FRMD4B: variants seen among roughly 807,000 people sequenced by gnomAD.
FRMD4B encodes FERM domain-containing protein 4B.
Under a neutral mutation model 141.5 loss-of-function variants are expected in FRMD4B, and 74 were observed. That is an observed-to-expected ratio of 0.52 (90% CI 0.43 to 0.63). The LOEUF (loss-of-function observed/expected upper bound fraction) is 0.63. FRMD4B is among the 30% of genes least tolerant of loss of function. FRMD4B has a pLI of 0.00. For synonymous variants in FRMD4B, 506 were observed against 467.9 expected, an observed-to-expected ratio of 1.08 and a Z score of -1.05; for missense variants, 1,366 against 1,253.4, an observed-to-expected ratio of 1.09 and a Z score of -1.36.
intron 2 of FRMD4B, among the ~76,000 whole-genome samples, chr3:69,409,407 A>G (rs551074594): frequency 8.2e-4 from 125 of 152,306 alleles, no homozygotes; most frequent in Non-Finnish European, 1.4e-3. Flanking sequence ...AAAGCTTACA[A>G]TGACCCAGTA....
intron 1 of FRMD4B, among the ~76,000 whole-genome samples, chr3:69,357,030 C>T (rs17005647): frequency 0.3 from 45,977 of 152,040 alleles, 7,865 homozygotes; most frequent in East Asian, 0.6. Context: ...AATCTGACAC[C>T]ATTAGTCCAC....
At chr3:69,527,935 G>A (rs1274075414) in intron 1 of FRMD4B, among the ~76,000 whole-genome samples, 3 of 152,166 alleles carry the variant, frequency 2.0e-5, no homozygotes, top group Non-Finnish European at 2.9e-5. Context: ...AAGAATCCAT[G>A]GGGATCTCCT....
intron 21 of FRMD4B, among the ~76,000 whole-genome samples, chr3:69,177,989 G>C (rs2092666661): frequency 6.6e-6 from 1 of 152,210 alleles, no homozygotes; most frequent in Non-Finnish European, 1.5e-5. Context: ...AAGGGATTTA[G>C]TTCTACAGAG....
intron 1 of FRMD4B, among the ~76,000 whole-genome samples, chr3:69,355,962 T>C (rs1298710465): frequency 6.6e-6 from 1 of 151,910 alleles, no homozygotes; most frequent in Non-Finnish European, 1.5e-5. Flanking sequence ...GAGCCGGAGG[T>C]TGCAGTGAGC....
Position 69,176,627 on chromosome 3 carries a change from T to G in FRMD4B, c.2881A>C (p.Arg961=), listed in dbSNP as rs944355230. ...VSSTNASGNW[R]TQLTIGLSDY... ...GACAGCCCTATGGTTAACTGGGTCC[T>G]CCAGTTCCCAGAAGCATTTGTAGAA... Residue 961 remains arginine (R), a synonymous_variant, in exon 22 of 23, where the codon AGG becomes CGG. Coordinates refer to ENST00000398540, the MANE Select transcript of FRMD4B (RefSeq NM_015123.3). 6.2e-7 allele frequency: 1 copy of G among 1,600,458 alleles called. No homozygotes were observed. Among genetic ancestry groups the G allele is most frequent in the African/African-American group, 1.3e-5 (1 of 74,602 alleles).
intron 2 of FRMD4B, among the ~76,000 whole-genome samples, chr3:69,396,335 T>C (rs1704473491): frequency 6.6e-6 from 1 of 151,998 alleles, no homozygotes; most frequent in African/African-American, 2.4e-5. Context: ...TGAAACCCCT[T>C]CTCCACTAAA....
upstream of FRMD4B, among the ~76,000 whole-genome samples, chr3:69,389,348 A>G (rs185557498): frequency 5.3e-5 from 8 of 152,182 alleles, no homozygotes; most frequent in Admixed American, 5.2e-4. Context: ...TCCACTCTCT[A>G]TGTCCCTGTG....
chr3:69,194,077 T>C (rs2092871911), intron 16 of FRMD4B, among the ~76,000 whole-genome samples: 1 of 152,230 alleles, frequency 6.6e-6, no homozygotes, highest in African/African-American at 2.4e-5. Context: ...TCCAAACCTC[T>C]TCCCTTTTCA....
At position 69,486,585 on chromosome 3, in the gene FRMD4B, T is replaced by C. The variant is rs867698902; in HGVS notation, c.-128-53824A>G. ...GGGAATTGAACCTATAACTTCACTC[T>C]GGAGTGAGCAGAAGGGGATTTACAT... On this transcript the variant is annotated intron_variant, in intron 1 of 5. Transcript: ENST00000459638. 3.9e-5 allele frequency among the ~76,000 whole-genome samples: 6 copies of C among 152,132 alleles called. No homozygotes were observed. In the South Asian group the frequency reaches 1.0e-3, roughly 26 times the overall value.
intron 1 of FRMD4B, among the ~76,000 whole-genome samples, chr3:69,440,667 G>T (rs976552648): frequency 2.6e-5 from 4 of 152,234 alleles, no homozygotes; most frequent in African/African-American, 9.6e-5. Flanking sequence ...AATTAGCCAG[G>T]TGTGGTGATG....
intron 13 of FRMD4B, 61 bp from the exon 14 acceptor site, chr3:69,196,457 ATTAAG>A (rs2092905665): frequency 1.5e-6 from 2 of 1,296,612 alleles, no homozygotes; most frequent in African/African-American, 1.5e-5. Flanking sequence ...TAATGAAACA[ATTAAG>A]TTAACATACA....
intron 1 of FRMD4B, among the ~76,000 whole-genome samples, chr3:69,436,712 T>A (rs1313987331): frequency 6.6e-6 from 1 of 152,220 alleles, no homozygotes; most frequent in Non-Finnish European, 1.5e-5. Flanking sequence ...AGCAGATTAA[T>A]GGATAAACAA....
intron 1 of FRMD4B, among the ~76,000 whole-genome samples, chr3:69,533,673 C>T (rs1242140246): frequency 1.3e-5 from 2 of 152,126 alleles, no homozygotes; most frequent in Non-Finnish European, 2.9e-5. Context: ...TGAGTCTTTC[C>T]TGCAACTTCT....
chr3:69,235,513 G>T (rs2093339829), intron 7 of FRMD4B, among the ~76,000 whole-genome samples: 1 of 151,928 alleles, frequency 6.6e-6, no homozygotes, highest in South Asian at 2.1e-4. Flanking sequence ...ACAAAAATCA[G>T]CTGGGTGTGG....
chr3:69,460,920 A>G (rs1705697600), intron 1 of FRMD4B, among the ~76,000 whole-genome samples: 2 of 152,192 alleles, frequency 1.3e-5, no homozygotes, highest in African/African-American at 2.4e-5. Context: ...CTGAGATTCT[A>G]CATTTCTTAT....
In FRMD4B at chr3:69,220,987, G is replaced by C. The variant is rs1486045316; in HGVS notation, c.731+871C>G. Among the ~76,000 whole-genome samples the C allele has an allele frequency of 2.0e-5, 3 of 150,256 alleles. No individual in the cohort carries two copies. The East Asian group carries it at 5.8e-4, about 29-fold the overall frequency. On this transcript the variant is annotated intron_variant, in intron 9 of 22. Transcript: ENST00000398540. Reference sequence around the variant, plus strand: ...GCAACTTTTTTTTTTTTTTGAGACAGAGTTTCTTTATTGTCACCTGGCTGG... The same window carrying C: ...GCAACTTTTTTTTTTTTTTGAGACACAGTTTCTTTATTGTCACCTGGCTGG...
chr3:69,335,766 C>T (rs184055017), intron 1 of FRMD4B, among the ~76,000 whole-genome samples: 4 of 147,308 alleles, frequency 2.7e-5, no homozygotes, highest in East Asian at 4.0e-4. Flanking sequence ...GACAGAGTCT[C>T]ACTCTGTCAC....
chr3:69,466,204 T>A (rs1033281156), intron 1 of FRMD4B, among the ~76,000 whole-genome samples: 1 of 152,252 alleles, frequency 6.6e-6, no homozygotes. Context: ...GAGAAGTGTC[T>A]GTTCATATCC....
chr3:69,438,608 A>C (rs1347072497), intron 1 of FRMD4B, among the ~76,000 whole-genome samples: 1 of 152,170 alleles, frequency 6.6e-6, no homozygotes, highest in African/African-American at 2.4e-5. Context: ...GGATGCTACA[A>C]GGGGAAGTGT....
Sources: allele counts gnomAD v4.1 joint callset (sites outside exome capture counted in the v4.1 genomes callset), GRCh38; gene constraint gnomAD v4.1.1; transcripts MANE v1.5; gene names NCBI Gene and HGNC (gene_info 2026-07-23, HGNC 2026-07-21).